BCKDHB: variants seen among roughly 807,000 people sequenced by gnomAD.
The protein encoded by BCKDHB is branched chain keto acid dehydrogenase E1 subunit beta, also known as 2-oxoisovalerate dehydrogenase subunit beta, mitochondrial.
A neutral mutation model predicts 48.5 loss-of-function variants in BCKDHB; 41 were observed. That is an observed-to-expected ratio of 0.85 (90% CI 0.66 to 1.10). The LOEUF (loss-of-function observed/expected upper bound fraction) is 1.10, where lower values mean the gene tolerates loss of function less well. Ranked by LOEUF, BCKDHB falls within the 50% of genes least tolerant of loss-of-function variation. The pLI is 0.00. For synonymous variants in BCKDHB, 201 were observed against 174.8 expected, an observed-to-expected ratio of 1.15 and a Z score of -1.18; for missense variants, 496 against 494.2, an observed-to-expected ratio of 1.00 and a Z score of -0.03.
chr6:80,127,703 G>A, intron 2 of BCKDHB, 79 bp downstream of exon 2: 1 of 1,266,212 alleles, frequency 7.9e-7, no homozygotes, highest in South Asian at 1.2e-5. Context: ...TTTATGTGGA[G>A]CTCAATGGTT....
chr6:80,271,744 C>T (rs1053198165), intron 8 of BCKDHB, among the ~76,000 whole-genome samples: 2 of 151,306 alleles, frequency 1.3e-5, no homozygotes, highest in African/African-American at 4.9e-5. Flanking sequence ...TGGTCTGATT[C>T]GGAGGTTGCA....
intron 9 of BCKDHB, among the ~76,000 whole-genome samples, chr6:80,323,878 T>C (rs1048487282): frequency 3.3e-5 from 5 of 152,140 alleles, no homozygotes; most frequent in Admixed American, 2.0e-4. Flanking sequence ...GTTCACGCCA[T>C]TCTCCTGTCT....
chr6:80,397,781 G>A, the BCKDHB span, among the ~76,000 whole-genome samples: 1 of 152,220 alleles, frequency 6.6e-6, no homozygotes, highest in Non-Finnish European at 1.5e-5. Flanking sequence ...TCAGGAGGCT[G>A]AGGCAGGAGA....
chr6:80,382,969 C>G, the BCKDHB span, among the ~76,000 whole-genome samples: 1 of 152,264 alleles, frequency 6.6e-6, no homozygotes, highest in South Asian at 2.1e-4. Context: ...TATATAACCA[C>G]TGAAATCACA....
chr6:80,289,981 C>T (rs577033829), intron 9 of BCKDHB, among the ~76,000 whole-genome samples: 14 of 152,134 alleles, frequency 9.2e-5, no homozygotes, highest in Non-Finnish European at 1.6e-4. Flanking sequence ...CTGCTGGCCC[C>T]ACCCAGGGTC....
At chr6:80,411,891 T>C in the BCKDHB span, among the ~76,000 whole-genome samples, 2 of 152,160 alleles carry the variant, frequency 1.3e-5, no homozygotes, top group African/African-American at 2.4e-5. Context: ...GAAAGGGAAA[T>C]CCCCCGACCC....
chr6:80,121,414 C>G (rs1045768181), intron 1 of BCKDHB, among the ~76,000 whole-genome samples: 1 of 152,124 alleles, frequency 6.6e-6, no homozygotes, highest in Non-Finnish European at 1.5e-5. Flanking sequence ...TCATTGGTAG[C>G]TTGATGGGGA....
the BCKDHB span, among the ~76,000 whole-genome samples, chr6:80,393,282 C>T: frequency 7.9e-5 from 12 of 152,052 alleles, no homozygotes; most frequent in African/African-American, 2.9e-4. Flanking sequence ...CTTTGGTGAC[C>T]TCTACTATGA....
At chr6:80,154,885 G>C (rs1203647688) in intron 3 of BCKDHB, among the ~76,000 whole-genome samples, 2 of 151,940 alleles carry the variant, frequency 1.3e-5, no homozygotes, top group Non-Finnish European at 2.9e-5. Flanking sequence ...TTAATAAGTG[G>C]ATTATGTAAA....
chr6:80,336,392 A>G (rs985981972), intron 9 of BCKDHB, among the ~76,000 whole-genome samples: 65 of 151,816 alleles, frequency 4.3e-4, no homozygotes, highest in African/African-American at 1.5e-3. Flanking sequence ...ACTTCAAAAA[A>G]TAAGCATCCA....
At chr6:80,174,386 CAG>C (rs970893240) in intron 6 of BCKDHB, among the ~76,000 whole-genome samples, 8 of 152,062 alleles carry the variant, frequency 5.3e-5, no homozygotes, top group African/African-American at 1.9e-4. Context: ...TCAGTATACT[CAG>C]GGGATTTGTT....
chr6:80,270,664 G>C (rs1777700001), intron 8 of BCKDHB, among the ~76,000 whole-genome samples: 1 of 152,108 alleles, frequency 6.6e-6, no homozygotes, highest in Admixed American at 6.6e-5. Context: ...ACTTGAACTT[G>C]TCTGATGCCA....
At chr6:80,154,203 T>C (rs1326840379) in intron 3 of BCKDHB, among the ~76,000 whole-genome samples, 5 of 152,228 alleles carry the variant, frequency 3.3e-5, no homozygotes, top group Admixed American at 2.6e-4. Context: ...ATTTGACTTA[T>C]CGCATTGTAA....
intron 8 of BCKDHB, among the ~76,000 whole-genome samples, chr6:80,250,049 A>G (rs1776771908): frequency 6.6e-6 from 1 of 152,286 alleles, no homozygotes; most frequent in Middle Eastern, 3.4e-3. Flanking sequence ...TTCATGTTAC[A>G]GTACACAGTG....
the BCKDHB span, among the ~76,000 whole-genome samples, chr6:80,462,180 T>G: frequency 1.3e-5 from 2 of 152,216 alleles, no homozygotes. Context: ...TTCTTTCTTG[T>G]TACTTCTATG....
intron 8 of BCKDHB, among the ~76,000 whole-genome samples, chr6:80,244,487 C>G (rs965382559): frequency 2.6e-5 from 4 of 152,148 alleles, no homozygotes; most frequent in Non-Finnish European, 5.9e-5. Context: ...GTTAAAATTA[C>G]CCTTAAAGTA....
the BCKDHB span, among the ~76,000 whole-genome samples, chr6:80,416,354 C>G: frequency 6.8e-6 from 1 of 147,322 alleles, no homozygotes; most frequent in African/African-American, 2.5e-5. Context: ...TTTTTTAGTT[C>G]TTTTTATTGT....
chr6:80,324,352 T>G (rs1308574210), intron 9 of BCKDHB, among the ~76,000 whole-genome samples: 1 of 152,120 alleles, frequency 6.6e-6, no homozygotes, highest in African/African-American at 2.4e-5. Context: ...CAGCTAAGTA[T>G]GAGAGCTACT....
the BCKDHB span, chr6:80,453,010 A>T: frequency 2.0e-5 from 3 of 152,226 alleles, no homozygotes; most frequent in African/African-American, 7.2e-5. Flanking sequence ...TGCTGTTTTC[A>T]GAAAATCACT....
Sources: gnomAD v4.1 joint callset for allele counts (sites outside exome capture counted in the v4.1 genomes callset) on GRCh38, gnomAD v4.1.1 for gene constraint, MANE v1.5 for transcripts, NCBI Gene and HGNC (gene_info 2026-07-23, HGNC 2026-07-21) for gene names.